PDE10A: variants seen among roughly 807,000 people sequenced by gnomAD.
PDE10A encodes the protein phosphodiesterase 10A.
A neutral mutation model predicts 97.7 loss-of-function variants in PDE10A; 39 were observed. The observed-to-expected ratio is 0.40, with a 90% CI of 0.31 to 0.52. The LOEUF (loss-of-function observed/expected upper bound fraction) is 0.52. PDE10A is among the 20% of genes least tolerant of loss of function. The probability of loss-of-function intolerance (pLI) is 0.56; values close to 1 mark genes in which losing one functional copy is unlikely to be tolerated. For synonymous variants in PDE10A, 371 were observed against 376.8 expected (o/e 0.98, Z 0.18); for missense variants, 731 against 1,047.8 (o/e 0.70, Z 4.17).
Position 165,800,160 on chromosome 6 carries a change from C to T in PDE10A, c.-615+187369G>A, listed in dbSNP as rs527506891. Among the ~76,000 whole-genome samples, 96 of 152,226 alleles carry T rather than the reference C, an allele frequency of 6.3e-4. 1 individual carries two copies. Among genetic ancestry groups the T allele is most frequent in the South Asian group, 2.1e-3 (10 of 4,828 alleles). On this transcript the variant is annotated intron_variant, in intron 1 of 19. Coordinates refer to the PDE10A transcript ENST00000366882. Reference sequence around the variant, plus strand: ...TAGGTTAAGGAACATTTTCTAAAAGCGAAGATACTCATGCAATTCCCCAAG... The same window carrying T: ...TAGGTTAAGGAACATTTTCTAAAAGTGAAGATACTCATGCAATTCCCCAAG...
rs993767997 is a variant in PDE10A at position 165,867,866 on chromosome 6, C to T, written c.-615+119663G>A. Among the ~76,000 whole-genome samples, 48 of 151,848 alleles carry T rather than the reference C, an allele frequency of 3.2e-4. 1 individual carries two copies. Reference sequence around the variant, plus strand: ...ATGGAACAAAACTAGAAATCAACAGCAAGAGAAACATTGGAAACTATGCAA... The same window carrying T: ...ATGGAACAAAACTAGAAATCAACAGTAAGAGAAACATTGGAAACTATGCAA... On this transcript the variant is annotated intron_variant, in intron 1 of 19. Coordinates refer to the PDE10A transcript ENST00000366882.
chr6:165,835,792 G>A (rs759633587), intron 1 of PDE10A, among the ~76,000 whole-genome samples: 6 of 152,164 alleles, frequency 3.9e-5, no homozygotes, highest in East Asian at 1.9e-4. Context: ...GAGGGGGAGC[G>A]TTTCCTAGGG....
intron 1 of PDE10A, among the ~76,000 whole-genome samples, chr6:165,959,175 C>T (rs1364613453): frequency 6.6e-6 from 1 of 152,168 alleles, no homozygotes; most frequent in Admixed American, 6.5e-5. Context: ...GAAAAGTCTG[C>T]AATATGTCCT....
intron 5 of PDE10A, among the ~76,000 whole-genome samples, chr6:165,437,755 A>C (rs1306995606): frequency 2.0e-5 from 3 of 152,166 alleles, no homozygotes; most frequent in Non-Finnish European, 2.9e-5. Context: ...ACCTCACAAC[A>C]CACACTTGTT....
intron 5 of PDE10A, among the ~76,000 whole-genome samples, chr6:165,444,810 A>G (rs561921123): frequency 6.6e-6 from 1 of 152,204 alleles, no homozygotes; most frequent in Non-Finnish European, 1.5e-5. Context: ...TATTTGTTAT[A>G]TTTCTCATTA....
At chr6:165,886,000 T>C (rs1781622256) in intron 1 of PDE10A, among the ~76,000 whole-genome samples, 1 of 152,174 alleles carries the variant, frequency 6.6e-6, no homozygotes, top group South Asian at 2.1e-4. Flanking sequence ...CCTCGAAAAA[T>C]ATTGTCTATC....
intron 1 of PDE10A, chr6:165,910,738 A>T (rs1782431938): frequency 6.6e-6 from 1 of 152,210 alleles, no homozygotes; most frequent in South Asian, 2.1e-4. Context: ...AATAAAATCT[A>T]ATGTGTATTT....
At chr6:165,427,967 A>G (rs1206999388) in intron 10 of PDE10A, among the ~76,000 whole-genome samples, 1 of 152,174 alleles carries the variant, frequency 6.6e-6, no homozygotes, top group African/African-American at 2.4e-5. Flanking sequence ...AAGATGTTGC[A>G]CAAAGCACAC....
Position 165,663,099 on chromosome 6 carries a change from G to A in PDE10A, c.-288C>T, listed in dbSNP as rs1790377476. Among the ~76,000 whole-genome samples, 1 of 151,768 alleles carries A rather than the reference G, an allele frequency of 6.6e-6. No individual in the cohort carries two copies. The highest frequency in any genetic ancestry group is 2.4e-5 in the African/African-American group (1 of 41,376). On this transcript the variant is annotated 5_prime_UTR_variant, in exon 1 of 22. Transcript: ENST00000539869. ...TCCCGGGCCGGGGCTAGGGACGGCGGAGACCCTCCCTGCAGGCGTGGCGTG... is the reference window on the plus strand; with the variant it reads ...TCCCGGGCCGGGGCTAGGGACGGCGAAGACCCTCCCTGCAGGCGTGGCGTG...
intron 1 of PDE10A, among the ~76,000 whole-genome samples, chr6:165,830,739 C>A (rs1779885697): frequency 6.6e-6 from 1 of 152,212 alleles, no homozygotes; most frequent in East Asian, 1.9e-4. Context: ...CCTAACACCC[C>A]TATAAGCAAA....
intron 1 of PDE10A, among the ~76,000 whole-genome samples, chr6:165,769,529 A>C (rs1312130208): frequency 6.6e-6 from 1 of 152,238 alleles, no homozygotes. Flanking sequence ...CTGCCAAAGA[A>C]AAGAATGTAT....
intron 18 of PDE10A, among the ~76,000 whole-genome samples, chr6:165,367,324 A>G (rs1783843078): frequency 8.7e-6 from 1 of 115,224 alleles, no homozygotes; most frequent in Non-Finnish European, 1.7e-5. Flanking sequence ...ATTGGACAGA[A>G]TATTAGGAAA....
At chr6:165,656,929 G>C (rs932402599) in intron 1 of PDE10A, among the ~76,000 whole-genome samples, 5 of 152,194 alleles carry the variant, frequency 3.3e-5, no homozygotes, top group African/African-American at 1.2e-4. Flanking sequence ...TTGGAATCCT[G>C]AGTCCACAGA....
chr6:165,481,048 C>T (rs193131809), intron 3 of PDE10A, among the ~76,000 whole-genome samples: 104 of 152,216 alleles, frequency 6.8e-4, no homozygotes, highest in Middle Eastern at 6.8e-3. Flanking sequence ...TTCTAATGGC[C>T]TTATAAAACA....
chr6:165,709,827 G>A (rs1791850822), intron 1 of PDE10A, among the ~76,000 whole-genome samples: 1 of 150,044 alleles, frequency 6.7e-6, no homozygotes, highest in East Asian at 2.0e-4. Context: ...CCCTTTCACA[G>A]AAGACTGAGT....
At chr6:165,472,111 A>G (rs1295842702) in intron 3 of PDE10A, among the ~76,000 whole-genome samples, 4 of 152,064 alleles carry the variant, frequency 2.6e-5, no homozygotes, top group African/African-American at 9.7e-5. Flanking sequence ...ACTCAGCAAA[A>G]GCTTTTGGGC....
At chr6:165,734,898 T>C (rs185342169) in intron 1 of PDE10A, among the ~76,000 whole-genome samples, 22 of 152,348 alleles carry the variant, frequency 1.4e-4, no homozygotes, top group Admixed American at 1.1e-3. Context: ...TATTAATGTG[T>C]TCATTCGGAT....
rs990130838 is a variant in PDE10A at position 165,671,158 on chromosome 6, A to G, written c.-614-127590T>C. On this transcript the variant is annotated intron_variant, in intron 1 of 19. Transcript: ENST00000366882. The surrounding 1 kb of genome is among the most constrained non-coding windows in gnomAD (Gnocchi z 4.6). The stretch of plus-strand genomic sequence containing the variant: ...ACTAATTTTTTTTTTTTTAAGAATC[A>G]ACAACAAATGATGCTTGCTACAAAT... 3.9e-5 allele frequency among the ~76,000 whole-genome samples: 6 copies of G among 152,080 alleles called. No homozygotes were observed. In the South Asian group the frequency reaches 1.0e-3, roughly 26 times the overall value.
intron 1 of PDE10A, among the ~76,000 whole-genome samples, chr6:165,548,270 A>C (rs1227536344): frequency 6.8e-6 from 1 of 147,806 alleles, no homozygotes; most frequent in African/African-American, 2.5e-5. Flanking sequence ...TCCAGGCTTT[A>C]AATCTCTTTT....
Sources: gnomAD v4.1 joint callset for allele counts (sites outside exome capture counted in the v4.1 genomes callset) on GRCh38, gnomAD v4.1.1 for gene constraint, Gnocchi (gnomAD v3.1) non-coding constraint, MANE v1.5 for transcripts, NCBI Gene and HGNC (gene_info 2026-07-23, HGNC 2026-07-21) for gene names.